Variants in AOPEP observed in about 807,000 individuals in gnomAD.
AOPEP encodes the protein aminopeptidase O.
A neutral mutation model predicts 98.1 loss-of-function variants in AOPEP; 77 were observed. That is an observed-to-expected ratio of 0.78 (90% CI 0.65 to 0.95). AOPEP has a LOEUF of 0.95. Among genes scored for constraint, AOPEP ranks in the 40% least tolerant of loss-of-function variants. AOPEP has a pLI of 0.00. For synonymous variants in AOPEP, 346 were observed against 365.3 expected (o/e 0.95, Z 0.60); for missense variants, 1,024 against 1,024.7 (o/e 1.00, Z 0.01).
chr9:94,842,721 G>A (rs1443220423), intron 5 of AOPEP, among the ~76,000 whole-genome samples: 1 of 152,024 alleles, frequency 6.6e-6, no homozygotes, highest in Non-Finnish European at 1.5e-5. Flanking sequence ...TTTAGAGCAA[G>A]ATTTGTTGAC....
chr9:94,843,398 C>T (rs150385397), intron 5 of AOPEP, among the ~76,000 whole-genome samples: 4 of 152,252 alleles, frequency 2.6e-5, no homozygotes, highest in African/African-American at 7.2e-5. Context: ...TTGTAGAGTC[C>T]GTGTGTGCTT....
At chr9:94,806,609 C>T (rs1044553611) in intron 5 of AOPEP, among the ~76,000 whole-genome samples, 1 of 152,148 alleles carries the variant, frequency 6.6e-6, no homozygotes, top group Non-Finnish European at 1.5e-5. Context: ...TCTTTTATTT[C>T]AATTATCCTT....
chr9:94,810,311 G>A (rs186627504), intron 5 of AOPEP, among the ~76,000 whole-genome samples: 125 of 149,456 alleles, frequency 8.4e-4, no homozygotes, highest in Admixed American at 4.6e-3. Context: ...TTTAATCAGG[G>A]TTTTTTTGTT....
chr9:94,781,337 G>A (rs1466791608), intron 3 of AOPEP, among the ~76,000 whole-genome samples: 1 of 151,974 alleles, frequency 6.6e-6, no homozygotes. Flanking sequence ...TGCATTTGTG[G>A]AATAAATGTG....
intron 13 of AOPEP, among the ~76,000 whole-genome samples, chr9:95,014,471 CAAAAAAAA>C (rs886672341): frequency 7.3e-6 from 1 of 136,922 alleles, no homozygotes; most frequent in African/African-American, 2.7e-5. Context: ...GACCCTGTTT[CAAAAAAAA>C]AAAAGAGAAA....
At chr9:95,068,988 A>ACAG (rs1458716658) in intron 14 of AOPEP, among the ~76,000 whole-genome samples, 1 of 152,064 alleles carries the variant, frequency 6.6e-6, no homozygotes, top group Non-Finnish European at 1.5e-5. Flanking sequence ...CGCTCCTGCC[A>ACAG]CAGCCCTGTT....
intron 5 of AOPEP, among the ~76,000 whole-genome samples, chr9:94,831,736 G>C (rs1588443450): frequency 6.6e-6 from 1 of 150,422 alleles, no homozygotes. Flanking sequence ...TCCTTGAGCA[G>C]GGTTTTGTAG....
the AOPEP span, among the ~76,000 whole-genome samples, chr9:95,133,958 C>T: frequency 6.6e-6 from 1 of 152,194 alleles, no homozygotes; most frequent in African/African-American, 2.4e-5. Context: ...ATATATGACT[C>T]TTCCGGATGG....
At chr9:95,066,909 A>C (rs2067959188) in intron 14 of AOPEP, among the ~76,000 whole-genome samples, 1 of 152,212 alleles carries the variant, frequency 6.6e-6, no homozygotes, top group Non-Finnish European at 1.5e-5. Flanking sequence ...TCAGTAGTTT[A>C]CATACTTTTG....
At chr9:95,013,035 C>G (rs1470904910) in intron 13 of AOPEP, among the ~76,000 whole-genome samples, 2 of 138,358 alleles carry the variant, frequency 1.4e-5, no homozygotes, top group African/African-American at 2.7e-5. Context: ...ATAAAGAGAG[C>G]TTGGATTCCT....
chr9:94,904,522 T>C (rs750230156), intron 5 of AOPEP: 4 of 152,206 alleles, frequency 2.6e-5, no homozygotes, highest in Non-Finnish European at 5.9e-5. Flanking sequence ...AGTTAAAATA[T>C]CTGTTTTTGA....
intron 14 of AOPEP, among the ~76,000 whole-genome samples, chr9:95,063,031 G>T (rs1248973957): frequency 6.6e-6 from 1 of 152,218 alleles, no homozygotes; most frequent in African/African-American, 2.4e-5. Flanking sequence ...CCTTGGCCTG[G>T]AGAGTGAAGC....
intron 7 of AOPEP, among the ~76,000 whole-genome samples, chr9:94,948,431 T>G (rs2057846183): frequency 6.6e-6 from 1 of 151,158 alleles, no homozygotes. Context: ...TTCTAACTCT[T>G]GTAGTTCATC....
intron 5 of AOPEP, among the ~76,000 whole-genome samples, chr9:94,893,182 T>G (rs1486274811): frequency 6.6e-6 from 1 of 152,216 alleles, no homozygotes; most frequent in Non-Finnish European, 1.5e-5. Context: ...GAGTATTATT[T>G]TCTCTTAGCT....
At chr9:94,767,293 C>CTGT (rs1286826464) in intron 2 of AOPEP, among the ~76,000 whole-genome samples, 2 of 152,202 alleles carry the variant, frequency 1.3e-5, no homozygotes, top group African/African-American at 4.8e-5. Flanking sequence ...GCTGCCCAGG[C>CTGT]TGTGCATATG....
At chr9:94,997,726 C>G (rs765974745) in intron 11 of AOPEP, among the ~76,000 whole-genome samples, 3 of 152,172 alleles carry the variant, frequency 2.0e-5, no homozygotes, top group Non-Finnish European at 2.9e-5. Context: ...CAGAGTCTTG[C>G]TCTATTACCC....
Position 94,923,633 on chromosome 9 carries a change from C to CA in AOPEP, c.1365-352dup, listed in dbSNP as rs1371468917. 2.6e-5 allele frequency among the ~76,000 whole-genome samples: 4 copies of CA among 152,240 alleles called. No individual in the cohort carries two copies. In the East Asian group the frequency reaches 7.7e-4, roughly 29 times the overall value. On this transcript the variant is annotated intron_variant, in intron 5 of 16. Coordinates refer to ENST00000375315, the MANE Select transcript of AOPEP (RefSeq NM_001193329.3). The stretch of plus-strand genomic sequence containing the variant: ...ATCACTCTCCTGACAGCTTAGGCTT[C>CA]ACACTGTCACACCTGCTCTTCTTTT...
At chr9:94,901,594 C>T (rs76040579) in intron 5 of AOPEP, among the ~76,000 whole-genome samples, 122 of 152,224 alleles carry the variant, frequency 8.0e-4, no homozygotes, top group Non-Finnish European at 1.4e-3. Context: ...CAAAACACCT[C>T]GCATCTTCAA....
rs1588084288 is a variant in AOPEP at position 94,760,241 on chromosome 9, T to C, written c.458T>C (p.Val153Ala). Reference sequence around the variant, plus strand: ...GTGTTGGACTGCTGTGATTTATCTGTGTTAAAAGTCGAGGAGGTGGATGTT... The same window carrying C: ...GTGTTGGACTGCTGTGATTTATCTGCGTTAAAAGTCGAGGAGGTGGATGTT... ...LLVLDCCDLSVLKVEEVDVAA... is the reference protein window; with the variant it reads ...LLVLDCCDLSALKVEEVDVAA... The change falls in exon 2 of 17, where the codon GTG (valine) becomes GCG (alanine). Residue 153 changes from valine to alanine, a missense_variant. By Grantham distance (64) the Val-to-Ala change is moderately conservative (BLOSUM62 0). Around this residue, in one of 3 missense-constraint regions of AOPEP, gnomAD observed 440 missense variants for 433.8 expected, o/e 1.01. Coordinates refer to ENST00000375315, the MANE Select transcript of AOPEP (RefSeq NM_001193329.3). 1 of 1,614,168 alleles carries C rather than the reference T, an allele frequency of 6.2e-7. No homozygotes were observed.
Sources: gnomAD v4.1 joint callset for allele counts (sites outside exome capture counted in the v4.1 genomes callset) on GRCh38, gnomAD v4.1.1 for gene constraint, gnomAD v4.1.1 regional missense constraint, MANE v1.5 for transcripts, NCBI Gene and HGNC (gene_info 2026-07-23, HGNC 2026-07-21) for gene names.